Variants in DPP10 observed in about 807,000 individuals in gnomAD.
DPP10 encodes inactive dipeptidyl peptidase 10.
Under a neutral mutation model 120.9 loss-of-function variants are expected in DPP10, and 33 were observed. That is an observed-to-expected ratio of 0.27 (90% CI 0.21 to 0.37). DPP10 has a LOEUF of 0.37. DPP10 is among the 10% of genes least tolerant of loss of function. DPP10 has a pLI of 1.00. For synonymous variants in DPP10, 337 were observed against 326.1 expected, an observed-to-expected ratio of 1.03 and a Z score of -0.36; for missense variants, 816 against 942.8, an observed-to-expected ratio of 0.87 and a Z score of 1.76.
intron 1 of DPP10, among the ~76,000 whole-genome samples, chr2:114,623,441 A>C (rs1338023118): frequency 1.3e-5 from 2 of 152,122 alleles, no homozygotes; most frequent in Admixed American, 1.3e-4. Flanking sequence ...CAAACACATT[A>C]TTTGTTCAAA....
intron 1 of DPP10, among the ~76,000 whole-genome samples, chr2:114,494,258 A>G (rs1057029851): frequency 6.6e-6 from 1 of 152,184 alleles, no homozygotes; most frequent in Non-Finnish European, 1.5e-5. Flanking sequence ...CCTCATTTAT[A>G]AAATGGGAAT....
chr2:114,497,260 T>C (rs115037246), intron 1 of DPP10, among the ~76,000 whole-genome samples: 1,478 of 100,250 alleles, frequency 0.015, 36 homozygotes, highest in African/African-American at 0.052. Context: ...CATGTACGTG[T>C]GTATACATGT....
intron 1 of DPP10, among the ~76,000 whole-genome samples, chr2:114,979,824 A>G (rs1487814388): frequency 1.3e-5 from 2 of 152,114 alleles, no homozygotes; most frequent in African/African-American, 4.8e-5. Flanking sequence ...AATTTTAATT[A>G]TGTAGAGTCC....
intron 5 of DPP10, among the ~76,000 whole-genome samples, chr2:115,553,924 T>G (rs1489264643): frequency 2.0e-5 from 3 of 151,636 alleles, no homozygotes; most frequent in African/African-American, 4.8e-5. Flanking sequence ...ATTCAATGTT[T>G]CAGGTGAAGT....
intron 5 of DPP10, among the ~76,000 whole-genome samples, chr2:115,673,882 C>T (rs142220151): frequency 5.9e-4 from 90 of 152,148 alleles, no homozygotes; most frequent in Non-Finnish European, 8.1e-4. Context: ...TTTTATGATT[C>T]GGAAAATTTG....
intron 1 of DPP10, among the ~76,000 whole-genome samples, chr2:114,935,848 A>T (rs1426777750): frequency 6.7e-6 from 1 of 148,268 alleles, no homozygotes; most frequent in Non-Finnish European, 1.5e-5. Flanking sequence ...TGCACATTAA[A>T]CTAAAAAACT....
At chr2:114,951,033 G>A (rs1001474765) in intron 1 of DPP10, among the ~76,000 whole-genome samples, 1 of 152,102 alleles carries the variant, frequency 6.6e-6, no homozygotes, top group Non-Finnish European at 1.5e-5. Flanking sequence ...GTCAATGAGG[G>A]GATGCATTGT....
At chr2:114,538,362 G>C (rs1465881468) in intron 1 of DPP10, among the ~76,000 whole-genome samples, 1 of 152,138 alleles carries the variant, frequency 6.6e-6, no homozygotes, top group Non-Finnish European at 1.5e-5. Flanking sequence ...TAGGTGGCAA[G>C]GGTTTTGGAG....
chr2:115,745,345 A>G (rs1284363764), intron 9 of DPP10, among the ~76,000 whole-genome samples: 2 of 150,574 alleles, frequency 1.3e-5, no homozygotes, highest in African/African-American at 4.8e-5. Context: ...AGTGCCTACT[A>G]TGTGCCAGAA....
chr2:115,560,638 A>T (rs984631092), intron 5 of DPP10, among the ~76,000 whole-genome samples: 2 of 150,414 alleles, frequency 1.3e-5, no homozygotes, highest in Non-Finnish European at 3.0e-5. Context: ...ATTCTGAGAC[A>T]GGGTCTCCTT....
chr2:115,827,537 A>G (rs1688501043), intron 21 of DPP10, among the ~76,000 whole-genome samples: 1 of 149,230 alleles, frequency 6.7e-6, no homozygotes, highest in African/African-American at 2.4e-5. Flanking sequence ...AAATCCCAAA[A>G]TATATTGTTA....
At chr2:115,218,036 G>T (rs1172709550) in intron 1 of DPP10, among the ~76,000 whole-genome samples, 1 of 152,076 alleles carries the variant, frequency 6.6e-6, no homozygotes, top group Non-Finnish European at 1.5e-5. Context: ...GGATGAGCAT[G>T]GTTTCAGTGT....
chr2:114,763,474 T>C (rs190125752), intron 1 of DPP10, among the ~76,000 whole-genome samples: 18 of 152,334 alleles, frequency 1.2e-4, no homozygotes, highest in African/African-American at 3.8e-4. Context: ...TTTTTCAATA[T>C]ACTGTGTTAT....
chr2:115,085,106 C>T (rs1353844047), intron 1 of DPP10, among the ~76,000 whole-genome samples: 1 of 152,184 alleles, frequency 6.6e-6, no homozygotes. Context: ...GAATTTGTAG[C>T]AAGGCTTAGA....
At chr2:115,750,772 T>C (rs949449704) in intron 10 of DPP10, among the ~76,000 whole-genome samples, 2 of 152,196 alleles carry the variant, frequency 1.3e-5, no homozygotes, top group Non-Finnish European at 2.9e-5. Context: ...AAGTTCTTTT[T>C]TTTAAGTCAA....
chr2:114,787,263 A>G (rs1345525131), intron 1 of DPP10, among the ~76,000 whole-genome samples: 1 of 152,172 alleles, frequency 6.6e-6, no homozygotes, highest in Non-Finnish European at 1.5e-5. Context: ...CATCAAGTGC[A>G]AAACCATGGG....
chr2:114,501,494 C>T (rs2104515209), intron 1 of DPP10, among the ~76,000 whole-genome samples: 1 of 152,248 alleles, frequency 6.6e-6, no homozygotes, highest in African/African-American at 2.4e-5. Flanking sequence ...CCATAATTTT[C>T]CAAAGCTGCT....
intron 5 of DPP10, among the ~76,000 whole-genome samples, chr2:115,641,634 T>C (rs2086790267): frequency 6.6e-6 from 1 of 152,214 alleles, no homozygotes; most frequent in African/African-American, 2.4e-5. Flanking sequence ...TCTGCTATTA[T>C]ACCGAAGTGC....
intron 1 of DPP10, among the ~76,000 whole-genome samples, chr2:114,504,080 G>A (rs13414616): frequency 0.071 from 10,876 of 152,192 alleles, 1,258 homozygotes; most frequent in African/African-American, 0.25. Context: ...TACTGTCACA[G>A]TAAGTAGCTG....
Sources: gnomAD v4.1 joint callset for allele counts (sites outside exome capture counted in the v4.1 genomes callset) on GRCh38, gnomAD v4.1.1 for gene constraint, MANE v1.5 for transcripts, NCBI Gene and HGNC (gene_info 2026-07-23, HGNC 2026-07-21) for gene names.